ZFPM2: variants seen among roughly 807,000 people sequenced by gnomAD.
ZFPM2 encodes the protein zinc finger protein ZFPM2.
A neutral mutation model predicts 98.6 loss-of-function variants in ZFPM2; 20 were observed. The ratio of observed to expected loss-of-function variants is 0.20; its 90% CI spans 0.14 to 0.29. ZFPM2 has a LOEUF of 0.29. Ranked by LOEUF, ZFPM2 falls within the 10% of genes least tolerant of loss-of-function variation. The pLI is 1.00. For missense variants in ZFPM2, 1,310 were observed against 1,388.6 expected (o/e 0.94, Z 0.90); for synonymous variants, 518 against 502.7 (o/e 1.03, Z -0.41).
At chr8:105,789,555 G>A (rs1813534233) in intron 6 of ZFPM2, among the ~76,000 whole-genome samples, 1 of 151,804 alleles carries the variant, frequency 6.6e-6, no homozygotes, top group African/African-American at 2.4e-5. Context: ...ACGTGTGCAT[G>A]TGTCTTTATA....
At chr8:105,495,459 A>T (rs773965942) in intron 3 of ZFPM2, among the ~76,000 whole-genome samples, 9 of 152,162 alleles carry the variant, frequency 5.9e-5, no homozygotes, top group Non-Finnish European at 1.2e-4. Context: ...ATAGATTGCC[A>T]TTTTTTTGTG....
chr8:105,537,786 A>G (rs965662251), intron 3 of ZFPM2, among the ~76,000 whole-genome samples: 4 of 151,674 alleles, frequency 2.6e-5, no homozygotes, highest in Non-Finnish European at 4.4e-5. Flanking sequence ...GCTGGAGTGC[A>G]GTGGCACAAT....
chr8:105,778,501 TGTGTGTGC>T, intron 5 of ZFPM2, among the ~76,000 whole-genome samples: 1 of 151,804 alleles, frequency 6.6e-6, no homozygotes, highest in South Asian at 2.1e-4. Flanking sequence ...TGTGTGTGTG[TGTGTGTGC>T]GTGTGTGTGT....
At chr8:105,399,434 G>T (rs1461761147) in intron 1 of ZFPM2, among the ~76,000 whole-genome samples, 1 of 152,094 alleles carries the variant, frequency 6.6e-6, no homozygotes, top group East Asian at 1.9e-4. Context: ...TGATGGATTC[G>T]ATGTGTGCCT....
intron 1 of ZFPM2, among the ~76,000 whole-genome samples, chr8:105,401,213 A>G (rs1563641781): frequency 6.6e-6 from 1 of 150,914 alleles, no homozygotes; most frequent in African/African-American, 2.5e-5. Context: ...ATCATTAAAT[A>G]CAGACTTAAT....
intron 1 of ZFPM2, among the ~76,000 whole-genome samples, chr8:105,335,854 G>T (rs544973234): frequency 6.6e-6 from 1 of 151,754 alleles, no homozygotes; most frequent in South Asian, 2.1e-4. Context: ...GGCCTGCTAC[G>T]TGCAGCGTAT....
intron 5 of ZFPM2, among the ~76,000 whole-genome samples, chr8:105,750,097 G>A (rs1812441612): frequency 1.3e-5 from 2 of 152,016 alleles, no homozygotes. Flanking sequence ...ACTATGTGAT[G>A]AGACTTTATA....
chr8:105,566,039 C>T (rs919833502), intron 4 of ZFPM2, among the ~76,000 whole-genome samples: 12 of 152,264 alleles, frequency 7.9e-5, no homozygotes, highest in African/African-American at 1.4e-4. Flanking sequence ...GATATTTCCT[C>T]GTCTGCAGGG....
rs777278842 is a variant in ZFPM2, at chr8:105,803,467, A to G, written c.3385A>G (p.Asn1129Asp). The G allele has an allele frequency of 6.2e-7, 1 of 1,613,516 alleles. No homozygotes were observed. Among genetic ancestry groups the G allele is most frequent in the African/African-American group, 1.3e-5 (1 of 74,926 alleles). Reference sequence around the variant, plus strand: ...TTGCCGGCTATGTGATATCCAGTTCAACAACCTTTCAAACTTTATAACTCA... The same window carrying G: ...TTGCCGGCTATGTGATATCCAGTTCGACAACCTTTCAAACTTTATAACTCA... ...KYCRLCDIQF[N>D]NLSNFITHKK... Residue 1129 changes from asparagine to aspartate, a missense_variant, in exon 8 of 8, where the codon AAC becomes GAC. Coordinates refer to ENST00000407775, the MANE Select transcript of ZFPM2 (RefSeq NM_012082.4).
intron 1 of ZFPM2, among the ~76,000 whole-genome samples, chr8:105,359,367 C>CTTTTTTTTTTTTTTTTTTT (rs111675257): frequency 7.4e-6 from 1 of 135,356 alleles, no homozygotes; most frequent in Non-Finnish European, 1.6e-5. Flanking sequence ...CTTTTTCTTT[C>CTTTTTTTTTTTTTTTTTTT]TTTTTTTTTT....
Position 105,801,327 on chromosome 8 carries a change from G to A in ZFPM2, c.1245G>A (p.Leu415=), listed in dbSNP as rs780715665. The A allele has an allele frequency of 1.2e-6, 2 of 1,613,884 alleles. No individual in the cohort carries two copies. The highest frequency in any genetic ancestry group is 1.7e-6 in the Non-Finnish European group (2 of 1,179,882). Residue 415 remains leucine, a synonymous_variant, in exon 8 of 8, where the codon TTG becomes TTA. Transcript: ENST00000407775. The part of the protein sequence containing the change: ...EDSLQPATDL[L]TRSELPQSQK... ...GCTTACAGCCAGCCACAGACTTATT[G>A]ACCAGAAGCGAACTTCCCCAGAGCC...
At chr8:105,428,341 T>G (rs1260634954) in intron 2 of ZFPM2, among the ~76,000 whole-genome samples, 1 of 152,224 alleles carries the variant, frequency 6.6e-6, no homozygotes, top group Non-Finnish European at 1.5e-5. Context: ...AATATTTCTA[T>G]CTTTTGGTAC....
chr8:105,648,013 A>G (rs373654785), intron 5 of ZFPM2, among the ~76,000 whole-genome samples: 3 of 152,092 alleles, frequency 2.0e-5, no homozygotes, highest in Non-Finnish European at 2.9e-5. Flanking sequence ...AAGTGTTCCT[A>G]TTTCTCCACA....
chr8:105,424,321 C>T (rs564960743), intron 2 of ZFPM2, among the ~76,000 whole-genome samples: 10 of 152,064 alleles, frequency 6.6e-5, no homozygotes, highest in Admixed American at 3.9e-4. Context: ...TTTGGGAAGA[C>T]GAAAAATCTT....
At chr8:105,700,039 T>C (rs886261080) in intron 5 of ZFPM2, among the ~76,000 whole-genome samples, 2 of 152,202 alleles carry the variant, frequency 1.3e-5, no homozygotes, top group Non-Finnish European at 2.9e-5. Context: ...GGGCTTATAT[T>C]TGATCAACCA....
At chr8:105,594,664 T>G (rs1420218294) in intron 4 of ZFPM2, among the ~76,000 whole-genome samples, 8 of 152,108 alleles carry the variant, frequency 5.3e-5, no homozygotes, top group Non-Finnish European at 1.2e-4. Context: ...AGCTAATTAA[T>G]GTACAAATTA....
At chr8:105,591,035 T>C (rs1239446596) in intron 4 of ZFPM2, among the ~76,000 whole-genome samples, 1 of 152,210 alleles carries the variant, frequency 6.6e-6, no homozygotes, top group Non-Finnish European at 1.5e-5. Flanking sequence ...ACTACCCTTG[T>C]TCTCTTAAAA....
In ZFPM2 at chr8:105,801,607, A is replaced by G; in HGVS notation, c.1525A>G (p.Met509Val). ...SQFSFPQDITMVPQASEILAK... is the reference protein window; with the variant it reads ...SQFSFPQDITVVPQASEILAK... ...GTTTTCTTTCCCCCAAGATATCACC[A>G]TGGTCCCTCAAGCTTCAGAGATCTT... Residue 509 changes from methionine to valine, a missense_variant, in exon 8 of 8, where the codon ATG becomes GTG. Coordinates refer to ENST00000407775, the MANE Select transcript of ZFPM2 (RefSeq NM_012082.4). The G allele has an allele frequency of 1.9e-6, 3 of 1,613,694 alleles. No homozygotes were observed. Among genetic ancestry groups the G allele is most frequent in the East Asian group, 2.2e-5 (1 of 44,842 alleles).
chr8:105,387,141 G>C (rs1290367004), intron 1 of ZFPM2: 1 of 152,488 alleles, frequency 6.6e-6, no homozygotes, highest in Non-Finnish European at 1.5e-5. Context: ...GCTAGACACA[G>C]GGTGCTGACT....
Sources: allele counts gnomAD v4.1 joint callset (sites outside exome capture counted in the v4.1 genomes callset), GRCh38; gene constraint gnomAD v4.1.1; transcripts MANE v1.5; gene names NCBI Gene and HGNC (gene_info 2026-07-23, HGNC 2026-07-21).